The following KIAA1614 variants were observed in gnomAD, a reference collection of about 807,000 sequenced individuals.
The protein encoded by KIAA1614 is uncharacterized protein KIAA1614.
In KIAA1614, 76 loss-of-function variants were observed where a neutral mutation model predicts 88.7. That is an observed-to-expected ratio of 0.86 (90% CI 0.71 to 1.04). The LOEUF (loss-of-function observed/expected upper bound fraction) is 1.04. KIAA1614 is among the 50% of genes least tolerant of loss of function. The pLI is 0.00. For synonymous variants in KIAA1614, 714 were observed against 675.5 expected, an observed-to-expected ratio of 1.06 and a Z score of -0.88; for missense variants, 1,553 against 1,582.5, an observed-to-expected ratio of 0.98 and a Z score of 0.32.
In KIAA1614 at chr1:180,916,646, C is replaced by G. The variant is rs1386238576; in HGVS notation, c.543C>G (p.Asn181Lys). 5.6e-6 allele frequency: 9 copies of G among 1,601,094 alleles called. No individual in the cohort carries two copies. The East Asian group carries it at 1.3e-4, about 24-fold the overall frequency. ...CTGCCCCTGGACGTGAGTACTGCAA[C>G]AGGGGGAGCCCGTGGCCTCCAGAAG... is the stretch of plus-strand genomic sequence containing the variant. The part of the protein sequence containing the change: ...RPPAPGREYC[N>K]RGSPWPPEAE... The change falls in exon 2 of 9, where the codon AAC becomes AAG. Residue 181 changes from asparagine (N) to lysine (K), a missense_variant. Asn to Lys is a moderately conservative substitution (Grantham distance 94). Coordinates refer to ENST00000367588, the MANE Select transcript of KIAA1614 (RefSeq NM_020950.2).
Position 180,916,666 on chromosome 1 carries a change from C to T in KIAA1614, c.563C>T (p.Pro188Leu), listed in dbSNP as rs750686798. Residue 188 changes from proline (P) to leucine (L), a missense_variant, in exon 2 of 9, where the codon CCA becomes CTA. Coordinates refer to ENST00000367588, the MANE Select transcript of KIAA1614 (RefSeq NM_020950.2). ...EYCNRGSPWPPEAEWTLPDHD... is the reference protein window; with the variant it reads ...EYCNRGSPWPLEAEWTLPDHD... ...TGCAACAGGGGGAGCCCGTGGCCTC[C>T]AGAAGCCGAATGGACACTTCCTGAC... 5 of 1,601,802 alleles carry T rather than the reference C, an allele frequency of 3.1e-6. No individual in the cohort carries two copies. Among genetic ancestry groups the T allele is most frequent in the Non-Finnish European group, 3.4e-6 (4 of 1,172,622 alleles).
At position 180,916,632 on chromosome 1, in the gene KIAA1614, C is replaced by T. The variant is rs202038677; in HGVS notation, c.529C>T (p.Arg177Cys). The T allele has an allele frequency of 1.6e-4, 254 of 1,601,954 alleles. 1 individual carries two copies. In the South Asian group the frequency reaches 1.7e-3, roughly 11 times the overall value. ...PRLPRPPAPGREYCNRGSPWP... is the reference protein window; with the variant it reads ...PRLPRPPAPGCEYCNRGSPWP... ...GCTTCCCAGGCCGCCTGCCCCTGGA[C>T]GTGAGTACTGCAACAGGGGGAGCCC... The change falls in exon 2 of 9, where the codon CGT (arginine) becomes TGT (cysteine). Residue 177 changes from arginine to cysteine, a missense_variant. Coordinates refer to ENST00000367588, the MANE Select transcript of KIAA1614 (RefSeq NM_020950.2).
chr1:180,915,084 G>A (rs1298083017), intron 1 of KIAA1614, among the ~76,000 whole-genome samples: 2 of 152,252 alleles, frequency 1.3e-5, no homozygotes, highest in African/African-American at 2.4e-5. Context: ...GATTACAGGT[G>A]TGAGCCACCG....
rs375334021 is a variant in KIAA1614, at chr1:180,918,039, C to A, written c.1061+125C>A. The stretch of plus-strand genomic sequence containing the variant: ...GCAGGCAGACTCCTGCACCAGCAGA[C>A]CAGTGGACGTCATCATCCCTGAGAC... On this transcript the variant is annotated intron_variant, in intron 3 of 8. Transcript: ENST00000367588. 1,549 of 771,862 alleles carry A rather than the reference C, an allele frequency of 2.0e-3. 27 individuals carry two copies. The highest frequency in any genetic ancestry group is 0.016 in the South Asian group (1,053 of 64,608). 47.8% of individuals were successfully genotyped at this position (771,862 alleles called of 1,614,324 possible).
At chr1:180,930,149 G>A (rs12083268) in intron 4 of KIAA1614, among the ~76,000 whole-genome samples, 7,622 of 152,192 alleles carry the variant, frequency 0.05, 603 homozygotes, top group African/African-American at 0.17. Context: ...GCTGGGCACC[G>A]TGGCTCACGC....
intron 8 of KIAA1614, chr1:180,944,857 T>A (rs1035965270): frequency 7.9e-6 from 2 of 254,186 alleles, no homozygotes; most frequent in Admixed American, 1.0e-4. Context: ...AATAAACACA[T>A]AGAGACAGAG....
Position 180,936,531 on chromosome 1 carries a change from G to A in KIAA1614, c.2622G>A (p.Leu874=). The A allele has an allele frequency of 6.2e-7, 1 of 1,614,058 alleles. No homozygotes were observed. The highest frequency in any genetic ancestry group is 8.5e-7 in the Non-Finnish European group (1 of 1,179,998). The stretch of plus-strand genomic sequence containing the variant: ...GCCCTCAGGTCAGGCACCCACTGCT[G>A]GCCCTGTCCACCAACAACTGCAACA... ...PSRPQVRHPL[L]ALSTNNCNNS... The change falls in exon 5 of 9, where the codon CTG becomes CTA. Residue 874 remains leucine, a synonymous_variant. Coordinates refer to ENST00000367588, the MANE Select transcript of KIAA1614 (RefSeq NM_020950.2).
chr1:180,935,955 T>C lies in KIAA1614; in HGVS notation c.2046T>C (p.Asp682=). Residue 682 remains aspartate, a synonymous_variant, in exon 5 of 9, where the codon GAT becomes GAC. Transcript: ENST00000367588. The surrounding 1 kb of genome is among the most constrained non-coding windows in gnomAD (Gnocchi z 6.1). ...AGCAACACCTGCCTAGGGCTGATGA[T>C]GTGGAGGTGGAAAATGAGGTGAAAG... ...QAQQHLPRAD[D]VEVENEVKEG... is the part of the protein sequence containing the mutation. 1.2e-6 allele frequency: 2 copies of C among 1,613,928 alleles called. No individual in the cohort carries two copies. The highest frequency in any genetic ancestry group is 1.7e-6 in the Non-Finnish European group (2 of 1,179,884).
Position 180,916,343 on chromosome 1 carries a change from C to T in KIAA1614, c.240C>T (p.Pro80=). The T allele has an allele frequency of 6.2e-7, 1 of 1,614,176 alleles. No individual in the cohort carries two copies. The highest frequency in any genetic ancestry group is 1.1e-5 in the South Asian group (1 of 91,084). ...PRVWGVQLQG[P]SVLESKVRAL... Reference sequence around the variant, plus strand: ...TATGGGGAGTACAGCTCCAGGGCCCCTCTGTGCTGGAATCCAAGGTGAGGG... The same window carrying T: ...TATGGGGAGTACAGCTCCAGGGCCCTTCTGTGCTGGAATCCAAGGTGAGGG... Residue 80 remains proline (P), a synonymous_variant, in exon 2 of 9, where the codon CCC becomes CCT. Transcript: ENST00000367588.
chr1:180,919,436 C>T (rs753498059), intron 3 of KIAA1614, among the ~76,000 whole-genome samples: 15 of 152,346 alleles, frequency 9.8e-5, no homozygotes, highest in Non-Finnish European at 1.8e-4. Context: ...GGGCCTCAGC[C>T]GGCTCTGCTC....
At chr1:180,928,244 A>AGCCACAG in intron 3 of KIAA1614, 186 bp from the exon 4 acceptor site, 1 of 676,880 alleles carries the variant, frequency 1.5e-6, no homozygotes, top group Non-Finnish European at 2.3e-6. Flanking sequence ...GCCATTTCCC[A>AGCCACAG]GCCCCAGGCC....
chr1:180,915,384 T>C (rs1329723806), intron 1 of KIAA1614, among the ~76,000 whole-genome samples: 1 of 152,164 alleles, frequency 6.6e-6, no homozygotes, highest in Non-Finnish European at 1.5e-5. Context: ...ATGTTGCCTG[T>C]TAGCAGATGC....
chr1:180,938,294 T>C (rs576344164), intron 5 of KIAA1614, among the ~76,000 whole-genome samples: 3 of 152,246 alleles, frequency 2.0e-5, no homozygotes, highest in East Asian at 3.9e-4. Flanking sequence ...GGTGACGAGG[T>C]TACAGCAGTC....
Position 180,936,489 on chromosome 1 carries a change from A to T in KIAA1614, c.2580A>T (p.Ser860=). The T allele has an allele frequency of 6.2e-7, 1 of 1,613,762 alleles. No homozygotes were observed. The highest frequency in any genetic ancestry group is 8.5e-7 in the Non-Finnish European group (1 of 1,179,874). The change falls in exon 5 of 9, where the codon TCA becomes TCT. Residue 860 remains serine (S), a synonymous_variant. Transcript: ENST00000367588. ...TCAGGACCTGTGAGCTGCCCCCATCACAGACCCAGCCCAGCCGCCCTCAGG... is the reference window on the plus strand; with the variant it reads ...TCAGGACCTGTGAGCTGCCCCCATCTCAGACCCAGCCCAGCCGCCCTCAGG... ...AVLRTCELPP[S]QTQPSRPQVR... is the part of the protein sequence containing the mutation.
In KIAA1614 at chr1:180,935,846, G is replaced by A. The variant is rs929507879; in HGVS notation, c.1937G>A (p.Arg646Gln). The change falls in exon 5 of 9, where the codon CGA becomes CAA. Residue 646 changes from arginine (R) to glutamine (Q), a missense_variant. Physicochemically the swap from Arg to Gln is conservative, Grantham distance 43. Coordinates refer to ENST00000367588, the MANE Select transcript of KIAA1614 (RefSeq NM_020950.2). This position sits in a 1 kb window ranked among gnomAD's most constrained non-coding sequence, Gnocchi z 6.1. ...GGGCGGACCCAAGGCAGCAGCCCGC[G>A]ACTGCGACTGCGGGGCTCCAGGCCT... ...ACGRTQGSSPRLRLRGSRPRG... is the reference protein window; with the variant it reads ...ACGRTQGSSPQLRLRGSRPRG... 3.7e-6 allele frequency: 6 copies of A among 1,613,632 alleles called. No individual in the cohort carries two copies. Among genetic ancestry groups the A allele is most frequent in the Non-Finnish European group, 5.1e-6 (6 of 1,179,876 alleles).
In KIAA1614 at chr1:180,916,992, G is replaced by A. The variant is rs762230599; in HGVS notation, c.889G>A (p.Val297Met). ...GSSVLSLSDR[V>M]ERNRLLLQEM... ...CAGTGTCTTGTCCCTGTCTGATCGG[G>A]TGGAGAGAAACCGCCTGTTGCTGCA... The change falls in exon 2 of 9, where the codon GTG becomes ATG. Residue 297 changes from valine to methionine, a missense_variant. Physicochemically the swap from Val to Met is conservative, Grantham distance 21 (BLOSUM62 1). Transcript: ENST00000367588. 3 of 1,613,988 alleles carry A rather than the reference G, an allele frequency of 1.9e-6. No homozygotes were observed. In the African/African-American group the frequency reaches 4.0e-5, roughly 22 times the overall value.
rs1654329578 is a variant in KIAA1614, at chr1:180,936,209, C to T, written c.2300C>T (p.Thr767Ile). 1 of 1,614,206 alleles carries T rather than the reference C, an allele frequency of 6.2e-7. No individual in the cohort carries two copies. Among genetic ancestry groups the T allele is most frequent in the East Asian group, 2.2e-5 (1 of 44,888 alleles). ...SSGPGGQAQV[T>I]ESHESLEIVS... ...GGGCCAGGAGGCCAGGCCCAGGTTACAGAAAGCCACGAGTCCCTGGAAATT... is the reference window on the plus strand; with the variant it reads ...GGGCCAGGAGGCCAGGCCCAGGTTATAGAAAGCCACGAGTCCCTGGAAATT... The change falls in exon 5 of 9, where the codon ACA becomes ATA. Residue 767 changes from threonine to isoleucine, a missense_variant. Thr to Ile is a moderately conservative substitution (Grantham distance 89). Transcript: ENST00000367588.
intron 3 of KIAA1614, among the ~76,000 whole-genome samples, chr1:180,922,337 G>A (rs1034988211): frequency 6.6e-6 from 1 of 152,182 alleles, no homozygotes; most frequent in African/African-American, 2.4e-5. Flanking sequence ...ATGGAGTCGT[G>A]CCCCTGTGGG....
At position 180,941,095 on chromosome 1, in the gene KIAA1614, T is replaced by C. The variant is rs529655696; in HGVS notation, c.2969T>C (p.Leu990Ser). ...TGPGSPSAAP[L>S]DQNKKRSSSI... ...CCCGGCTCCCCCTCGGCTGCCCCTT[T>C]GGACCAGAACAAGAAAAGGAGCAGC... The change falls in exon 7 of 9, where the codon TTG (leucine) becomes TCG (serine). Residue 990 changes from leucine to serine, a missense_variant. Physicochemically the swap from Leu to Ser is moderately radical, Grantham distance 145 (BLOSUM62 -2). Transcript: ENST00000367588. 11 of 1,602,872 alleles carry C rather than the reference T, an allele frequency of 6.9e-6. No individual in the cohort carries two copies. Among genetic ancestry groups the C allele is most frequent in the Non-Finnish European group, 9.4e-6 (11 of 1,173,492 alleles).
Sources: allele counts gnomAD v4.1 joint callset (sites outside exome capture counted in the v4.1 genomes callset), GRCh38; gene constraint gnomAD v4.1.1; non-coding constraint Gnocchi (gnomAD v3.1); transcripts MANE v1.5; gene names NCBI Gene and HGNC (gene_info 2026-07-23, HGNC 2026-07-21).